Variants in LRP1B observed in about 807,000 individuals in gnomAD.
The protein encoded by LRP1B is LDL receptor related protein 1B, also known as low-density lipoprotein receptor-related protein 1B.
In LRP1B, 217 loss-of-function variants were observed where a neutral mutation model predicts 556.6. The observed-to-expected ratio is 0.39, with a 90% CI of 0.35 to 0.44. The LOEUF is 0.44. LRP1B is among the 20% of genes least tolerant of loss of function. LRP1B has a pLI of 1.00. For missense variants in LRP1B, 5,053 were observed against 5,620.8 expected, an observed-to-expected ratio of 0.90 and a Z score of 3.23; for synonymous variants, 2,047 against 1,865.8, an observed-to-expected ratio of 1.10 and a Z score of -2.50.
chr2:140,714,128 T>C (rs989467787), intron 37 of LRP1B, among the ~76,000 whole-genome samples: 7 of 152,120 alleles, frequency 4.6e-5, no homozygotes, highest in Admixed American at 2.0e-4. Flanking sequence ...AGAAAACTCA[T>C]TGTGAATAGA....
At chr2:141,002,199 T>A (rs912627041) in intron 15 of LRP1B, among the ~76,000 whole-genome samples, 1 of 151,142 alleles carries the variant, frequency 6.6e-6, no homozygotes, top group Non-Finnish European at 1.5e-5. Flanking sequence ...ATCAACTTAC[T>A]GGCAATTTAC....
At chr2:140,514,159 T>C (rs764111270) in intron 51 of LRP1B, among the ~76,000 whole-genome samples, 15 of 151,988 alleles carry the variant, frequency 9.9e-5, no homozygotes, top group Non-Finnish European at 2.1e-4. Context: ...TAAAGTGCAT[T>C]TTAATATCAT....
intron 53 of LRP1B, among the ~76,000 whole-genome samples, chr2:140,504,785 C>T (rs1167571440): frequency 6.6e-6 from 1 of 152,156 alleles, no homozygotes; most frequent in African/African-American, 2.4e-5. Flanking sequence ...TTCCACTCCA[C>T]CATTCCCAAC....
chr2:140,958,309 G>C (rs1397645969), intron 18 of LRP1B, among the ~76,000 whole-genome samples: 1 of 151,286 alleles, frequency 6.6e-6, no homozygotes, highest in African/African-American at 2.4e-5. Flanking sequence ...GTATTTAAAA[G>C]GTAAGGACAA....
At chr2:141,841,863 A>C (rs1373347695) in intron 1 of LRP1B, among the ~76,000 whole-genome samples, 1 of 152,218 alleles carries the variant, frequency 6.6e-6, no homozygotes, top group African/African-American at 2.4e-5. Context: ...AGCCACAATA[A>C]TAAAGATATG....
At chr2:141,417,904 T>C (rs1350527487) in intron 3 of LRP1B, among the ~76,000 whole-genome samples, 1 of 152,136 alleles carries the variant, frequency 6.6e-6, no homozygotes, top group Non-Finnish European at 1.5e-5. Flanking sequence ...GCTGTCATTT[T>C]ATTGACAATG....
At chr2:140,773,204 C>T (rs1689376532) in intron 33 of LRP1B, among the ~76,000 whole-genome samples, 1 of 152,184 alleles carries the variant, frequency 6.6e-6, no homozygotes, top group Admixed American at 6.5e-5. Context: ...GTGGCTCACG[C>T]CTGTAATCCC....
At chr2:140,483,647 T>A (rs1313656019) in intron 59 of LRP1B, among the ~76,000 whole-genome samples, 12 of 138,176 alleles carry the variant, frequency 8.7e-5, no homozygotes, top group South Asian at 2.4e-4. Context: ...TATATTTTTT[T>A]TTTTTTTTTT....
intron 35 of LRP1B, among the ~76,000 whole-genome samples, chr2:140,753,703 C>G (rs1304496635): frequency 6.6e-6 from 1 of 152,162 alleles, no homozygotes; most frequent in African/African-American, 2.4e-5. Flanking sequence ...TCCTCCACCA[C>G]CTCAGTTCAG....
intron 2 of LRP1B, among the ~76,000 whole-genome samples, chr2:141,531,230 A>C (rs969269020): frequency 1.3e-5 from 2 of 152,114 alleles, no homozygotes; most frequent in African/African-American, 2.4e-5. Flanking sequence ...TCTCAAACCA[A>C]GTCATTTCCT....
At chr2:142,118,982 T>C (rs946410762) in intron 1 of LRP1B, among the ~76,000 whole-genome samples, 2 of 152,166 alleles carry the variant, frequency 1.3e-5, no homozygotes, top group African/African-American at 4.8e-5. Context: ...ACAACATGAA[T>C]GAAAAGTAAA....
Position 142,030,131 on chromosome 2 carries a change from C to T in LRP1B, c.82+100517G>A, listed in dbSNP as rs532439441. Reference sequence around the variant, plus strand: ...GGTGATCATATATGCGTGTATTCTACATGTGTATATTTCTTACATGGTAAG... The same window carrying T: ...GGTGATCATATATGCGTGTATTCTATATGTGTATATTTCTTACATGGTAAG... On this transcript the variant is annotated intron_variant, in intron 1 of 90. Coordinates refer to ENST00000389484, the MANE Select transcript of LRP1B (RefSeq NM_018557.3). 6.6e-5 allele frequency among the ~76,000 whole-genome samples: 10 copies of T among 151,710 alleles called. No homozygotes were observed. In the South Asian group the frequency reaches 2.1e-3, roughly 31 times the overall value.
At chr2:140,710,585 G>C (rs1452517405) in intron 37 of LRP1B, among the ~76,000 whole-genome samples, 1 of 151,926 alleles carries the variant, frequency 6.6e-6, no homozygotes. Flanking sequence ...TAATAAGAGA[G>C]AGAATGGCAC....
chr2:141,271,129 G>A (rs1685074945), intron 3 of LRP1B, among the ~76,000 whole-genome samples: 1 of 151,772 alleles, frequency 6.6e-6, no homozygotes, highest in African/African-American at 2.4e-5. Context: ...TTTTATTTGA[G>A]GGGTTTCATA....
At chr2:140,245,944 C>T (rs1181671302) in intron 87 of LRP1B, among the ~76,000 whole-genome samples, 2 of 151,274 alleles carry the variant, frequency 1.3e-5, no homozygotes, top group Non-Finnish European at 3.0e-5. Context: ...CTCACCTATC[C>T]AAATTTAAAT....
At chr2:140,624,238 C>A (rs114987468) in intron 41 of LRP1B, among the ~76,000 whole-genome samples, 6,378 of 151,912 alleles carry the variant, frequency 0.042, 179 homozygotes, top group Middle Eastern at 0.079. Flanking sequence ...GACTTTAGGC[C>A]TACTCACAAG....
chr2:140,509,603 C>A (rs1689567177), intron 52 of LRP1B, among the ~76,000 whole-genome samples: 2 of 152,090 alleles, frequency 1.3e-5, no homozygotes, highest in Non-Finnish European at 1.5e-5. Context: ...GTGGACGACG[C>A]AAAAGAGAAA....
chr2:141,957,923 T>G (rs1185690146), intron 1 of LRP1B, among the ~76,000 whole-genome samples: 1 of 152,038 alleles, frequency 6.6e-6, no homozygotes, highest in Non-Finnish European at 1.5e-5. Context: ...AAAAGACTGA[T>G]TAGAGAAACC....
At chr2:141,589,430 T>G (rs1448754501) in intron 2 of LRP1B, among the ~76,000 whole-genome samples, 1 of 152,162 alleles carries the variant, frequency 6.6e-6, no homozygotes, top group African/African-American at 2.4e-5. Context: ...TCGGTTCTTG[T>G]GATTTTTGAG....
Sources: allele counts gnomAD v4.1 joint callset (sites outside exome capture counted in the v4.1 genomes callset), GRCh38; gene constraint gnomAD v4.1.1; transcripts MANE v1.5; gene names NCBI Gene and HGNC (gene_info 2026-07-23, HGNC 2026-07-21).